The following REV3L variants were observed in gnomAD, a reference collection of about 807,000 sequenced individuals.
The protein encoded by REV3L is DNA polymerase zeta catalytic subunit.
A neutral mutation model predicts 299.4 loss-of-function variants in REV3L; 69 were observed. The observed-to-expected ratio is 0.23, with a 90% confidence interval of 0.19 to 0.28. REV3L has a LOEUF of 0.28. REV3L is among the 10% of genes least tolerant of loss of function. The pLI is 1.00. For synonymous variants in REV3L, 1,238 were observed against 1,271.4 expected (o/e 0.97, Z 0.56); for missense variants, 3,128 against 3,693.8 (o/e 0.85, Z 3.97).
At chr6:111,341,757 G>GC (rs895664878) in intron 21 of REV3L, among the ~76,000 whole-genome samples, 13 of 61,032 alleles carry the variant, frequency 2.1e-4, no homozygotes, top group Admixed American at 1.2e-3. Context: ...GGCAGGAGTT[G>GC]GGGGGGGTCA....
At chr6:111,340,113 C>T (rs1582589090) in intron 21 of REV3L, among the ~76,000 whole-genome samples, 2 of 152,102 alleles carry the variant, frequency 1.3e-5, no homozygotes, top group African/African-American at 2.4e-5. Flanking sequence ...AAAAAGGAGA[C>T]AGGAGAATCC....
intron 1 of REV3L, among the ~76,000 whole-genome samples, chr6:111,477,502 A>AACC (rs1365483808): frequency 2.6e-5 from 4 of 152,206 alleles, no homozygotes; most frequent in Non-Finnish European, 5.9e-5. Context: ...AAGAAAAGTA[A>AACC]AAACATTCTC....
At chr6:111,384,308 A>C (rs375104456) in intron 9 of REV3L, among the ~76,000 whole-genome samples, 1 of 152,164 alleles carries the variant, frequency 6.6e-6, no homozygotes, top group African/African-American at 2.4e-5. Flanking sequence ...ACAATCAACA[A>C]AGTGAAGAGA....
At chr6:111,360,108 G>C (rs1778494921) in intron 16 of REV3L, among the ~76,000 whole-genome samples, 1 of 152,136 alleles carries the variant, frequency 6.6e-6, no homozygotes, top group African/African-American at 2.4e-5. Flanking sequence ...GTTGGGGACA[G>C]GTTACATAAA....
At chr6:111,328,918 A>G (rs1396884595) in intron 25 of REV3L, among the ~76,000 whole-genome samples, 1 of 152,080 alleles carries the variant, frequency 6.6e-6, no homozygotes, top group Non-Finnish European at 1.5e-5. Context: ...GGCACATAAC[A>G]CTATGCCCGG....
At chr6:111,347,922 A>T (rs1238147825) in intron 20 of REV3L, among the ~76,000 whole-genome samples, 1 of 152,054 alleles carries the variant, frequency 6.6e-6, no homozygotes, top group South Asian at 2.1e-4. Context: ...CCTTCCAAGT[A>T]GCTGTTGCCT....
chr6:111,434,618 CAAA>C (rs1280352557), intron 1 of REV3L, among the ~76,000 whole-genome samples: 4 of 78,792 alleles, frequency 5.1e-5, no homozygotes, highest in Admixed American at 1.3e-4. Flanking sequence ...GACTCCGTCT[CAAA>C]AAAAAAAAAA....
At chr6:111,358,395 G>T (rs1015907009) in intron 17 of REV3L, among the ~76,000 whole-genome samples, 1 of 151,978 alleles carries the variant, frequency 6.6e-6, no homozygotes, top group South Asian at 2.1e-4. Context: ...ATAATACTTA[G>T]AACAAATTAT....
chr6:111,464,368 TAGGCTTGGAAAAA>T (rs1289717510), intron 1 of REV3L, among the ~76,000 whole-genome samples: 3 of 152,166 alleles, frequency 2.0e-5, no homozygotes, highest in Non-Finnish European at 4.4e-5. Context: ...TGGCAAACAC[TAGGCTTGGAAAAA>T]TAGCCCTTGT....
At chr6:111,426,173 T>C (rs1464844595) in intron 1 of REV3L, among the ~76,000 whole-genome samples, 1 of 152,194 alleles carries the variant, frequency 6.6e-6, no homozygotes, top group Non-Finnish European at 1.5e-5. Context: ...CTGTAGGGTA[T>C]ACATTAGTAG....
At chr6:111,478,676 T>C (rs764986509) in intron 1 of REV3L, among the ~76,000 whole-genome samples, 1 of 151,946 alleles carries the variant, frequency 6.6e-6, no homozygotes, top group Non-Finnish European at 1.5e-5. Flanking sequence ...TATTTAATTT[T>C]ATAAAATATA....
At chr6:111,413,351 C>T (rs1021546405) in intron 2 of REV3L, among the ~76,000 whole-genome samples, 2 of 151,976 alleles carry the variant, frequency 1.3e-5, no homozygotes, top group African/African-American at 4.8e-5. Flanking sequence ...AATTATATCT[C>T]GTAATTAGTT....
chr6:111,299,349 T>C lies in REV3L; in HGVS notation c.*667A>G, dbSNP rs772702595. The C allele has an allele frequency of 6.6e-6, 1 of 152,520 alleles. No homozygotes were observed. The highest frequency in any genetic ancestry group is 2.4e-5 in the African/African-American group (1 of 41,454). 9.4% of individuals were successfully genotyped at this position (152,520 alleles called of 1,614,324 possible). A position where few individuals can be genotyped will look rare whatever the true frequency, so the allele number is the denominator to read the frequency against. ...CCACAGGTTTGTAACAAAAATGTCT[T>C]TGCACAGTTCCTCACAATGCCCCAT... On this transcript the variant is annotated 3_prime_UTR_variant, in exon 32 of 32. Transcript: ENST00000368802.
intron 1 of REV3L, among the ~76,000 whole-genome samples, chr6:111,440,595 A>G (rs760447062): frequency 6.6e-6 from 1 of 152,224 alleles, no homozygotes; most frequent in Non-Finnish European, 1.5e-5. Flanking sequence ...AACTGAATGC[A>G]TTACTGCTAT....
intron 1 of REV3L, among the ~76,000 whole-genome samples, chr6:111,422,987 A>C (rs1452500223): frequency 6.6e-6 from 1 of 152,076 alleles, no homozygotes; most frequent in African/African-American, 2.4e-5. Flanking sequence ...CAGATGTTTC[A>C]AAAGTCTATT....
intron 25 of REV3L, among the ~76,000 whole-genome samples, chr6:111,325,260 C>T (rs1390343697): frequency 6.6e-6 from 1 of 152,146 alleles, no homozygotes; most frequent in Non-Finnish European, 1.5e-5. Flanking sequence ...TTAAAAGGCA[C>T]AAATATACCT....
In REV3L at chr6:111,299,134, CTTTT is replaced by C. The variant is rs1008927496; in HGVS notation, c.*878_*881del. 2.0e-5 allele frequency: 3 copies of C among 152,208 alleles called. No individual in the cohort carries two copies. The highest frequency in any genetic ancestry group is 4.8e-5 in the African/African-American group (2 of 41,324). The allele number at this position is 152,208 out of a possible 1,614,324, so 9.4% of individuals were successfully genotyped here. On this transcript the variant is annotated 3_prime_UTR_variant, in exon 32 of 32. Coordinates refer to ENST00000368802, the MANE Select transcript of REV3L (RefSeq NM_001372078.1). ...AAACAATGCACTGACCACATAATTC[CTTTT>C]TTATTTTACACAGTTATACAAATAT...
chr6:111,362,762 T>C (rs1353150978), intron 16 of REV3L, among the ~76,000 whole-genome samples: 1 of 152,228 alleles, frequency 6.6e-6, no homozygotes, highest in Non-Finnish European at 1.5e-5. Context: ...ACTTGATCTG[T>C]AATTTCATAC....
At chr6:111,365,996 G>A (rs894239215) in intron 14 of REV3L, among the ~76,000 whole-genome samples, 1 of 152,162 alleles carries the variant, frequency 6.6e-6, no homozygotes, top group African/African-American at 2.4e-5. Context: ...TGGGTTACTT[G>A]GGAGATAAAC....
Sources: allele counts gnomAD v4.1 joint callset (sites outside exome capture counted in the v4.1 genomes callset), GRCh38; gene constraint gnomAD v4.1.1; transcripts MANE v1.5; gene names NCBI Gene and HGNC (gene_info 2026-07-23, HGNC 2026-07-21).